MAP4K3: variants seen among roughly 807,000 people sequenced by gnomAD.
MAP4K3 encodes the protein MAPK/ERK kinase kinase kinase 3.
Under a neutral mutation model 143.5 loss-of-function variants are expected in MAP4K3, and 94 were observed. That is an observed-to-expected ratio of 0.65 (90% CI 0.55 to 0.78). The LOEUF (loss-of-function observed/expected upper bound fraction) is 0.78. Among genes scored for constraint, MAP4K3 ranks in the 30% least tolerant of loss-of-function variants. The pLI is 0.00. For missense variants in MAP4K3, 1,077 were observed against 1,068.1 expected (o/e 1.01, Z -0.12); for synonymous variants, 416 against 347.2 (o/e 1.20, Z -2.20).
chr2:39,353,177 T>G (rs1382514472), intron 3 of MAP4K3, among the ~76,000 whole-genome samples: 1 of 152,188 alleles, frequency 6.6e-6, no homozygotes, highest in Non-Finnish European at 1.5e-5. Flanking sequence ...ATACCCCACT[T>G]CATTTTCTCA....
intron 15 of MAP4K3, among the ~76,000 whole-genome samples, chr2:39,302,314 A>G (rs529659924): frequency 6.6e-6 from 1 of 152,304 alleles, no homozygotes; most frequent in East Asian, 1.9e-4. Context: ...CAACCATGGA[A>G]CAAAACAATG....
intron 33 of MAP4K3, among the ~76,000 whole-genome samples, chr2:39,251,490 T>C (rs1043754758): frequency 6.6e-6 from 1 of 152,202 alleles, no homozygotes; most frequent in Non-Finnish European, 1.5e-5. Flanking sequence ...CCCTGACCAA[T>C]GTCTTACAGT....
chr2:39,305,077 G>C (rs1682653267), intron 15 of MAP4K3, among the ~76,000 whole-genome samples: 1 of 152,174 alleles, frequency 6.6e-6, no homozygotes, highest in African/African-American at 2.4e-5. Flanking sequence ...GGGAGTTATT[G>C]TTTAATGAGT....
intron 18 of MAP4K3, 46 bp from the exon 19 acceptor site, chr2:39,290,380 G>A: frequency 8.2e-7 from 1 of 1,221,558 alleles, no homozygotes; most frequent in Non-Finnish European, 1.2e-6. Context: ...TTTTACAAAT[G>A]AATCAATCCT....
At chr2:39,251,779 A>C (rs1248372362) in intron 33 of MAP4K3, 51 bp downstream of exon 33, 1 of 1,396,828 alleles carries the variant, frequency 7.2e-7, no homozygotes, top group East Asian at 2.3e-5. Flanking sequence ...TTCATGCTGG[A>C]TCTATAAAAC....
At chr2:39,286,803 G>T in intron 21 of MAP4K3, 49 bp downstream of exon 21, 1 of 1,232,890 alleles carries the variant, frequency 8.1e-7, no homozygotes, top group Non-Finnish European at 1.1e-6. Flanking sequence ...TAACTTAACA[G>T]TTAAAAAGGA....
rs371837228 is a variant in MAP4K3 at position 39,436,877 on chromosome 2, G to A, written c.96+15C>T. ...GGATCCCACGGCCTCGGCGGCGCGC[G>A]GCCCCTGCCTTTACCTTGTAGACGT... is the stretch of plus-strand genomic sequence containing the variant. On this transcript the variant is annotated intron_variant, in intron 1 of 33. Transcript: ENST00000263881. 2.1e-4 allele frequency: 333 copies of A among 1,589,572 alleles called. No homozygotes were observed. The highest frequency in any genetic ancestry group is 2.5e-4 in the Non-Finnish European group (297 of 1,168,788).
chr2:39,435,323 A>T (rs1324242116), intron 1 of MAP4K3, among the ~76,000 whole-genome samples: 1 of 152,156 alleles, frequency 6.6e-6, no homozygotes, highest in African/African-American at 2.4e-5. Context: ...CCATTGTCCT[A>T]AACAAGTCCG....
intron 29 of MAP4K3, 62 bp from the exon 30 acceptor site, chr2:39,258,649 T>G (rs1277773778): frequency 8.7e-7 from 1 of 1,150,812 alleles, no homozygotes; most frequent in African/African-American, 1.5e-5. Flanking sequence ...CATGGAAACA[T>G]TGAAGAAAAA....
chr2:39,404,617 CTTTTTT>C (rs1174319224), intron 1 of MAP4K3, among the ~76,000 whole-genome samples: 1 of 86,144 alleles, frequency 1.2e-5, no homozygotes. Context: ...TTCTTTCTTT[CTTTTTT>C]TTTTTTTTTT....
chr2:39,283,514 T>G lies in MAP4K3; in HGVS notation c.1588-960A>C, dbSNP rs541828365. 3 of 152,322 alleles carry G rather than the reference T, an allele frequency of 2.0e-5. No individual in the cohort carries two copies. The East Asian group carries it at 5.8e-4, about 29-fold the overall frequency. The allele number at this position is 152,322 out of a possible 1,614,324, so 9.4% of individuals were successfully genotyped here. ...TTTGTTGGAGCTTTTAAAAATATAT[T>G]CTAGGTTTGAGTATTTTATCTGTTA... On this transcript the variant is annotated intron_variant, in intron 21 of 33. Transcript: ENST00000263881.
chr2:39,339,730 C>T (rs2148531274), intron 4 of MAP4K3, among the ~76,000 whole-genome samples: 1 of 152,220 alleles, frequency 6.6e-6, no homozygotes, highest in South Asian at 2.1e-4. Context: ...TAGAATTTGT[C>T]ACCATAGGCC....
chr2:39,417,031 C>A (rs1008641319), intron 1 of MAP4K3, among the ~76,000 whole-genome samples: 1 of 152,072 alleles, frequency 6.6e-6, no homozygotes, highest in Non-Finnish European at 1.5e-5. Context: ...TAATGCTTAG[C>A]ACATAGTAAG....
At chr2:39,384,211 A>G (rs1337246982) in intron 1 of MAP4K3, among the ~76,000 whole-genome samples, 3 of 152,050 alleles carry the variant, frequency 2.0e-5, no homozygotes, top group Non-Finnish European at 4.4e-5. Flanking sequence ...CTTTATCGAC[A>G]ACTTGCTGAT....
At chr2:39,398,932 T>C (rs1322117525) in intron 1 of MAP4K3, among the ~76,000 whole-genome samples, 2 of 150,450 alleles carry the variant, frequency 1.3e-5, no homozygotes, top group African/African-American at 4.9e-5. Flanking sequence ...TAGCTCCAGC[T>C]ACTCGGGAGG....
chr2:39,343,612 T>TA (rs368102986), intron 3 of MAP4K3, among the ~76,000 whole-genome samples, 160 bp from the exon 4 acceptor site: 1 of 152,284 alleles, frequency 6.6e-6, no homozygotes, highest in African/African-American at 2.4e-5. Flanking sequence ...ATGAATTACT[T>TA]AATATAATGT....
At chr2:39,267,020 T>C (rs909638473) in intron 27 of MAP4K3, among the ~76,000 whole-genome samples, 169 bp downstream of exon 27, 1 of 152,146 alleles carries the variant, frequency 6.6e-6, no homozygotes, top group Non-Finnish European at 1.5e-5. Context: ...ATTTGCAAGG[T>C]ACTATGTATT....
intron 1 of MAP4K3, among the ~76,000 whole-genome samples, chr2:39,398,723 AAT>A (rs1666874984): frequency 2.2e-5 from 3 of 138,148 alleles, no homozygotes; most frequent in Admixed American, 2.1e-4. Flanking sequence ...AAATAATAAT[AAT>A]AATAATAATA....
chr2:39,362,166 T>C (rs1367206943), intron 2 of MAP4K3, among the ~76,000 whole-genome samples: 1 of 152,188 alleles, frequency 6.6e-6, no homozygotes. Flanking sequence ...AAGTAGCTCT[T>C]ATTTAGAATT....
Sources: allele counts gnomAD v4.1 joint callset (sites outside exome capture counted in the v4.1 genomes callset), GRCh38; gene constraint gnomAD v4.1.1; transcripts MANE v1.5; gene names NCBI Gene and HGNC (gene_info 2026-07-23, HGNC 2026-07-21).